The following PPP1R13L variants were observed in gnomAD, a reference collection of about 807,000 sequenced individuals.
The protein encoded by PPP1R13L is protein phosphatase 1 regulatory subunit 13 like, also known as relA-associated inhibitor.
A neutral mutation model predicts 80.9 loss-of-function variants in PPP1R13L; 50 were observed. That is an observed-to-expected ratio of 0.62 (90% CI 0.49 to 0.78). PPP1R13L has a LOEUF of 0.78. Among genes scored for constraint, PPP1R13L ranks in the 30% least tolerant of loss-of-function variants. The probability of loss-of-function intolerance (pLI) is 0.00; values close to 1 mark genes in which losing one functional copy is unlikely to be tolerated. For synonymous variants in PPP1R13L, 602 were observed against 534.3 expected (o/e 1.13, Z -1.75); for missense variants, 1,200 against 1,205.9 (o/e 1.00, Z 0.07).
At position 45,382,650 on chromosome 19, in the gene PPP1R13L, G is replaced by A. The variant is rs1355207775; in HGVS notation, c.2325C>T (p.Asp775=). 3 of 1,613,814 alleles carry A rather than the reference G, an allele frequency of 1.9e-6. No individual in the cohort carries two copies. The highest frequency in any genetic ancestry group is 1.3e-5 in the African/African-American group (1 of 74,950). ...ACTCGCCCTCGCGGAAGGACAGCTC[G>A]TCCCCGAACTCGGCGCTGTAGTCCC... The part of the protein sequence containing the change: ...ALWDYSAEFG[D]ELSFREGESV... The change falls in exon 12 of 13, where the codon GAC becomes GAT. Residue 775 remains aspartate, a synonymous_variant. Coordinates refer to ENST00000360957, the MANE Select transcript of PPP1R13L (RefSeq NM_006663.4).
rs1568562034 is a variant in PPP1R13L, at chr19:45,398,129, ATG to A, written c.72_73del (p.Met25GlyfsTer16). On this transcript the variant is annotated frameshift_variant, in exon 3 of 13. Transcript: ENST00000360957. LOFTEE classifies it high-confidence loss of function. The stretch of plus-strand genomic sequence containing the variant: ...GTCCAGCTCCATCTGCTTCAGATCC[ATG>A]TGTTTCATGGCCAGCGCTGGGAAGG... 6.2e-7 allele frequency: 1 copy of A among 1,613,950 alleles called. No individual in the cohort carries two copies. The highest frequency in any genetic ancestry group is 1.7e-5 in the Admixed American group (1 of 59,998).
chr19:45,383,316 T>C (rs1292205025), intron 11 of PPP1R13L, among the ~76,000 whole-genome samples: 1 of 109,516 alleles, frequency 9.1e-6, no homozygotes, highest in Non-Finnish European at 1.8e-5. Flanking sequence ...TTTTTTTTTT[T>C]GAGATGGAAT....
intron 1 of PPP1R13L, among the ~76,000 whole-genome samples, chr19:45,399,418 A>T (rs886267048): frequency 1.4e-5 from 2 of 147,472 alleles, no homozygotes; most frequent in East Asian, 2.1e-4. Context: ...AGGTCAGGAG[A>T]GCGAGACCAT....
chr19:45,391,591 C>T (rs1286720243), intron 8 of PPP1R13L, among the ~76,000 whole-genome samples: 1 of 152,186 alleles, frequency 6.6e-6, no homozygotes, highest in African/African-American at 2.4e-5. Flanking sequence ...GGAAAGGGCA[C>T]TTTCTCTTCT....
intron 7 of PPP1R13L, chr19:45,392,627 A>G (rs1973001037): frequency 2.0e-6 from 1 of 509,746 alleles, no homozygotes; most frequent in Non-Finnish European, 3.6e-6. Context: ...CATTACCGAA[A>G]GGGAATCTGG....
At chr19:45,382,365 C>A (rs545260498) in intron 12 of PPP1R13L, among the ~76,000 whole-genome samples, 162 bp downstream of exon 12, 5 of 152,306 alleles carry the variant, frequency 3.3e-5, no homozygotes, top group African/African-American at 1.2e-4. Context: ...TTAAATATAA[C>A]GGACTTTTCG....
intron 8 of PPP1R13L, among the ~76,000 whole-genome samples, chr19:45,386,869 C>T (rs1279257707): frequency 1.3e-5 from 2 of 151,816 alleles, no homozygotes; most frequent in African/African-American, 4.8e-5. Context: ...CTCCTGACCT[C>T]AGGTGATCCA....
chr19:45,380,292 G>C, intron 12 of PPP1R13L, 64 bp from the exon 13 acceptor site: 1 of 1,580,614 alleles, frequency 6.3e-7, no homozygotes, highest in Admixed American at 1.7e-5. Context: ...ATGCAAATCC[G>C]CTGCCTGTCT....
At chr19:45,387,112 TA>T (rs1333968843) in intron 8 of PPP1R13L, among the ~76,000 whole-genome samples, 1 of 151,220 alleles carries the variant, frequency 6.6e-6, no homozygotes, top group Non-Finnish European at 1.5e-5. Context: ...CTACAAAAAA[TA>T]AAAAATTAGC....
rs775514487 is a variant in PPP1R13L, at chr19:45,397,052, G to T, written c.205C>A (p.Arg69=). 3.0e-6 allele frequency: 4 copies of T among 1,318,704 alleles called. No homozygotes were observed. The highest frequency in any genetic ancestry group is 3.9e-6 in the Non-Finnish European group (4 of 1,035,132). The allele number at this position is 1,318,704 out of a possible 1,614,324, so 81.7% of individuals were successfully genotyped here. A position where few individuals can be genotyped will look rare whatever the true frequency, so the allele number is the denominator to read the frequency against. ...TCAGGGATCGAGCTGGAGCTGTACC[G>T]GGGCGGCTGTGGGGAGGCCAGGGCA... ...PQAGPPSRPP[R]YSSSSIPEPF... is the part of the protein sequence containing the mutation. The change falls in exon 4 of 13, where the codon CGG becomes AGG. Residue 69 remains arginine (R), a synonymous_variant. Coordinates refer to ENST00000360957, the MANE Select transcript of PPP1R13L (RefSeq NM_006663.4).
At chr19:45,390,584 G>A (rs1215531579) in intron 8 of PPP1R13L, among the ~76,000 whole-genome samples, 1 of 152,124 alleles carries the variant, frequency 6.6e-6, no homozygotes, top group Non-Finnish European at 1.5e-5. Context: ...AGCGTTGTAA[G>A]CCCTTAAAAG....
At position 45,385,828 on chromosome 19, in the gene PPP1R13L, C is replaced by T; in HGVS notation, c.2077G>A (p.Gly693Ser). Reference protein sequence around the residue: ...GANVNSPDSHGWTPLHCAASC... With the variant: ...GANVNSPDSHSWTPLHCAASC... ...ACCGCGCGGGTCGGGGCTCACCAGC[C>T]GTGGCTGTCGGGGGAGTTGACATTG... Residue 693 changes from glycine to serine, a missense_variant, in exon 10 of 13, where the codon GGC becomes AGC. By Grantham distance (56) the Gly-to-Ser change is moderately conservative (BLOSUM62 0). Around this residue, in one of 5 missense-constraint regions of PPP1R13L, gnomAD observed 214 missense variants for 199.6 expected, o/e 1.07. Coordinates refer to ENST00000360957, the MANE Select transcript of PPP1R13L (RefSeq NM_006663.4). The T allele has an allele frequency of 1.9e-6, 3 of 1,611,152 alleles. No individual in the cohort carries two copies. Among genetic ancestry groups the T allele is most frequent in the Non-Finnish European group, 2.5e-6 (3 of 1,178,980 alleles).
intron 11 of PPP1R13L, among the ~76,000 whole-genome samples, chr19:45,383,293 C>CTTTTT (rs1164667426): frequency 3.8e-4 from 24 of 62,838 alleles, no homozygotes; most frequent in African/African-American, 1.1e-3. Context: ...CGCGCCCGGC[C>CTTTTT]TTTTTTTTTT....
Position 45,386,201 on chromosome 19 carries a change from G to A in PPP1R13L, c.1816-21C>T, listed in dbSNP as rs747053637. ...ATCTCCTGGGGGACAGGGCGCAGAG[G>A]TCAGCGACTTGGAGGGATTGTTAGT... is the stretch of plus-strand genomic sequence containing the variant. On this transcript the variant is annotated intron_variant, in intron 8 of 12. Coordinates refer to ENST00000360957, the MANE Select transcript of PPP1R13L (RefSeq NM_006663.4). The A allele has an allele frequency of 2.7e-6, 4 of 1,496,646 alleles. No homozygotes were observed. The Admixed American group carries it at 7.5e-5, about 28-fold the overall frequency. The allele number at this position is 1,496,646 out of a possible 1,614,324, so 92.7% of individuals were successfully genotyped here.
intron 7 of PPP1R13L, 78 bp downstream of exon 7, chr19:45,395,358 C>A: frequency 6.5e-7 from 1 of 1,545,186 alleles, no homozygotes; most frequent in Non-Finnish European, 8.7e-7. Context: ...GATCTCCCCA[C>A]CTCCCAGGGC....
At chr19:45,391,767 C>G (rs1314024266) in intron 8 of PPP1R13L, 113 bp downstream of exon 8, 2 of 811,482 alleles carry the variant, frequency 2.5e-6, no homozygotes, top group Non-Finnish European at 3.4e-6. Context: ...GACTTCTACT[C>G]AAAAGAGGAG....
chr19:45,398,533 CAAACCCAGTCTA>C (rs1287308992), intron 1 of PPP1R13L, among the ~76,000 whole-genome samples, 194 bp from the exon 2 acceptor site: 3 of 152,078 alleles, frequency 2.0e-5, no homozygotes, highest in Non-Finnish European at 4.4e-5. Flanking sequence ...CGGAGAAGTC[CAAACCCAGTCTA>C]AAACCTCCGG....
At chr19:45,397,372 CTCTTTCTTTTCTT>C (rs1482455720) in intron 3 of PPP1R13L, among the ~76,000 whole-genome samples, 1 of 150,988 alleles carries the variant, frequency 6.6e-6, no homozygotes, top group Non-Finnish European at 1.5e-5. Flanking sequence ...TTCTTTCTCT[CTCTTTCTTTTCTT>C]TCTTTCTTTC....
chr19:45,385,058 G>A (rs1365187246), intron 11 of PPP1R13L, among the ~76,000 whole-genome samples: 1 of 151,422 alleles, frequency 6.6e-6, no homozygotes, highest in Non-Finnish European at 1.5e-5. Context: ...CACAATCCCC[G>A]TGGCACAGCC....
Sources: allele counts gnomAD v4.1 joint callset (sites outside exome capture counted in the v4.1 genomes callset), GRCh38; gene constraint gnomAD v4.1.1; regional missense constraint gnomAD v4.1.1; transcripts MANE v1.5; gene names NCBI Gene and HGNC (gene_info 2026-07-23, HGNC 2026-07-21).